Variants in GRM6 observed in about 807,000 individuals in gnomAD.
GRM6 encodes metabotropic glutamate receptor 6.
GRM6 carries 73 observed loss-of-function variants against 78.4 expected under a neutral mutation model. That is an observed-to-expected ratio of 0.93 (90% CI 0.77 to 1.13). The LOEUF is 1.13. Among genes scored for constraint, GRM6 ranks in the 50% most tolerant of loss-of-function variants. GRM6 has a pLI of 0.00. For synonymous variants in GRM6, 580 were observed against 555.0 expected (o/e 1.05, Z -0.63); for missense variants, 1,251 against 1,256.4 (o/e 1.00, Z 0.07).
chr5:178,985,509 C>T (rs918393233), intron 9 of GRM6: 24 of 336,828 alleles, frequency 7.1e-5, no homozygotes, highest in African/African-American at 2.4e-4. Flanking sequence ...CGAGACCATC[C>T]TGGCTAACAC....
At position 178,989,275 on chromosome 5, in the gene GRM6, G is replaced by T. The variant is rs967509747; in HGVS notation, c.1143C>A (p.Arg381=). The stretch of plus-strand genomic sequence containing the variant: ...CTGGGCAGCTCTCACCTGTGCATTT[G>T]CGGGTGGAATCGTCTGACTGGGTAC... ...SSGTQSDDST[R]KCTGEERIGR... Residue 381 remains arginine (R), a synonymous_variant, in exon 6 of 11, where the codon CGC becomes CGA. Transcript: ENST00000517717. 2 of 1,582,866 alleles carry T rather than the reference G, an allele frequency of 1.3e-6. No individual in the cohort carries two copies. The highest frequency in any genetic ancestry group is 1.7e-6 in the Non-Finnish European group (2 of 1,171,836).
chr5:178,982,114 C>T lies in GRM6; in HGVS notation c.2437-260G>A, dbSNP rs1229457689. On this transcript the variant is annotated intron_variant, in intron 10 of 10. Coordinates refer to ENST00000517717, the MANE Select transcript of GRM6 (RefSeq NM_000843.4). ...ACACCTGGGGAAGCGGGAGCCGGGG[C>T]ATGTCAGTGAATGAGCACGTTTCAA... 2.0e-5 allele frequency among the ~76,000 whole-genome samples: 3 copies of T among 152,108 alleles called. No individual in the cohort carries two copies. In the East Asian group the frequency reaches 5.8e-4, roughly 29 times the overall value.
chr5:178,989,195 C>A, intron 6 of GRM6, 60 bp from the exon 7 acceptor site: 1 of 1,555,804 alleles, frequency 6.4e-7, no homozygotes, highest in Non-Finnish European at 8.7e-7. Context: ...CCCGGCCTCC[C>A]GCCTTCCCCC....
Position 178,992,437 on chromosome 5 carries a change from T to C in GRM6, c.505-354A>G, listed in dbSNP as rs748235903. 2 of 412,538 alleles carry C rather than the reference T, an allele frequency of 4.8e-6. No individual in the cohort carries two copies. The highest frequency in any genetic ancestry group is 3.5e-4 in the Middle Eastern group (1 of 2,892). The allele number at this position is 412,538 out of a possible 1,614,324, so 25.6% of individuals were successfully genotyped here. A position where few individuals can be genotyped will look rare whatever the true frequency, so the allele number is the denominator to read the frequency against. ...TGCAGCCCATCCAGCTGCATCTGCCTGTCCTAGTCAGGCCCAGGGCAAAGC... is the reference window on the plus strand; with the variant it reads ...TGCAGCCCATCCAGCTGCATCTGCCCGTCCTAGTCAGGCCCAGGGCAAAGC... On this transcript the variant is annotated intron_variant, in intron 2 of 10. Transcript: ENST00000517717. The surrounding 1 kb of genome is among the most constrained non-coding windows in gnomAD (Gnocchi z 4.9).
intron 7 of GRM6, chr5:178,987,190 G>A (rs1292203861): frequency 1.4e-6 from 1 of 697,700 alleles, no homozygotes; most frequent in Non-Finnish European, 2.6e-6. Flanking sequence ...AGTGTTGTGA[G>A]CGTGTGGAGA....
intron 9 of GRM6, chr5:178,985,636 G>C (rs933034514): frequency 2.7e-6 from 1 of 375,222 alleles, no homozygotes; most frequent in Non-Finnish European, 5.2e-6. Flanking sequence ...CCGGAAGGCA[G>C]AGCTTGCAGG....
Position 178,990,954 on chromosome 5 carries a change from C to T in GRM6, c.858-208G>A, listed in dbSNP as rs566747776. Among the ~76,000 whole-genome samples, 226 of 152,314 alleles carry T rather than the reference C, an allele frequency of 1.5e-3. 1 individual carries two copies. Among genetic ancestry groups the T allele is most frequent in the African/African-American group, 5.1e-3 (210 of 41,566 alleles). On this transcript the variant is annotated intron_variant, in intron 4 of 10. Transcript: ENST00000517717. ...TGCCCACTTGCTCTGCCCACTGTAA[C>T]CCACTGTTCAGGGGGTTCAGAGGGA...
At position 178,982,212 on chromosome 5, in the gene GRM6, A is replaced by T. The variant is rs188372378; in HGVS notation, c.2437-358T>A. On this transcript the variant is annotated intron_variant, in intron 10 of 10. Transcript: ENST00000517717. ...GGGCAAATAAATGGATGACAGGTGCATAAAATATTCTGCCGCATACGTGAA... is the reference window on the plus strand; with the variant it reads ...GGGCAAATAAATGGATGACAGGTGCTTAAAATATTCTGCCGCATACGTGAA... 1.0e-3 allele frequency among the ~76,000 whole-genome samples: 159 copies of T among 152,378 alleles called. 2 individuals carry two copies. The highest frequency in any genetic ancestry group is 1.8e-3 in the Non-Finnish European group (121 of 68,036).
intron 9 of GRM6, chr5:178,985,547 C>T: frequency 5.9e-6 from 2 of 336,910 alleles, no homozygotes; most frequent in African/African-American, 2.2e-5. Context: ...ACTAAAAATA[C>T]AAAAAATTAG....
At position 178,986,312 on chromosome 5, in the gene GRM6, C is replaced by T. The variant is rs367739086; in HGVS notation, c.1942G>A (p.Ala648Thr). Reference protein sequence around the residue: ...TFLMVAEPGAAVCAARRLFLG... With the variant: ...TFLMVAEPGATVCAARRLFLG... ...AAGAGCCTGCGGGCGGCACAGACCG[C>T]GGCCCCAGGCTCAGCCACCATGAGG... The change falls in exon 9 of 11, where the codon GCG becomes ACG. Residue 648 changes from alanine (A) to threonine (T), a missense_variant. Transcript: ENST00000517717. 2.5e-5 allele frequency: 41 copies of T among 1,613,864 alleles called. No individual in the cohort carries two copies. Among genetic ancestry groups the T allele is most frequent in the South Asian group, 1.8e-4 (16 of 91,068 alleles).
In GRM6 at chr5:178,994,851, AGCCCGCCGCGCGCGCCAG is replaced by A. The variant is rs1308648283; in HGVS notation, c.76_93del (p.Leu26_Gly31del). 1.4e-5 allele frequency: 17 copies of A among 1,214,570 alleles called. No homozygotes were observed. Among genetic ancestry groups the A allele is most frequent in the Admixed American group, 8.2e-5 (2 of 24,426 alleles). The allele number at this position is 1,214,570 out of a possible 1,614,324, so 75.2% of individuals were successfully genotyped here. A position where few individuals can be genotyped will look rare whatever the true frequency, so the allele number is the denominator to read the frequency against. ...GTCAGGCCGCCCGCCAGGCGCACAGAGCCCGCCGCGCGCGCCAGGCCCGCCTGCGCCAGCCACGCCAGC... is the reference window on the plus strand; with the variant it reads ...GTCAGGCCGCCCGCCAGGCGCACAGAGCCCGCCTGCGCCAGCCACGCCAGC... On this transcript the variant is annotated inframe_deletion, in exon 2 of 11. Transcript: ENST00000517717.
chr5:178,982,968 C>T lies in GRM6; in HGVS notation c.2378G>A (p.Cys793Tyr). The T allele has an allele frequency of 6.2e-7, 1 of 1,614,184 alleles. No individual in the cohort carries two copies. Among genetic ancestry groups the T allele is most frequent in the Non-Finnish European group, 8.5e-7 (1 of 1,180,010 alleles). Residue 793 changes from cysteine (C) to tyrosine (Y), a missense_variant, in exon 10 of 11, where the codon TGC (cysteine) becomes TAC (tyrosine). Coordinates refer to ENST00000517717, the MANE Select transcript of GRM6 (RefSeq NM_000843.4). Reference sequence around the variant, plus strand: ...GGGCACGAATGCCAGCCAGATGATGCAGGTGGTGTACATGGTGAAGCCGAT... The same window carrying T: ...GGGCACGAATGCCAGCCAGATGATGTAGGTGGTGTACATGGTGAAGCCGAT... ...KPIGFTMYTTCIIWLAFVPIF... is the reference protein window; with the variant it reads ...KPIGFTMYTTYIIWLAFVPIF...
In GRM6 at chr5:178,992,847, C is replaced by T. The variant is rs1329082399; in HGVS notation, c.505-764G>A. Among the ~76,000 whole-genome samples, 2 of 151,196 alleles carry T rather than the reference C, an allele frequency of 1.3e-5. No homozygotes were observed. The highest frequency in any genetic ancestry group is 4.9e-5 in the African/African-American group (2 of 41,060). On this transcript the variant is annotated intron_variant, in intron 2 of 10. Transcript: ENST00000517717. This position sits in a 1 kb window ranked among gnomAD's most constrained non-coding sequence, Gnocchi z 4.9. ...GTATAGAGACAGCATGAAAAGGAAG[C>T]CGGGAGTGGCAGGGAGAGAGAAAGA...
chr5:178,994,220 G>T (rs1297276488), intron 2 of GRM6, among the ~76,000 whole-genome samples: 1 of 152,242 alleles, frequency 6.6e-6, no homozygotes, highest in Non-Finnish European at 1.5e-5. Context: ...GGGAAGGGGC[G>T]CCCTCGCGGG....
In GRM6 at chr5:178,978,898, T is replaced by A. The variant is rs1760336177; in HGVS notation, c.*2759A>T. On this transcript the variant is annotated 3_prime_UTR_variant, in exon 11 of 11. Transcript: ENST00000517717. The stretch of plus-strand genomic sequence containing the variant: ...TTGGACCTCAAAGAATTCAAACCCA[T>A]GCATGCAAAAAAACAGGAAAATCTT... 6.6e-6 allele frequency: 1 copy of A among 152,030 alleles called. No individual in the cohort carries two copies. The highest frequency in any genetic ancestry group is 1.5e-5 in the Non-Finnish European group (1 of 68,006). The allele number at this position is 152,030 out of a possible 1,614,324, so 9.4% of individuals were successfully genotyped here. A position where few individuals can be genotyped will look rare whatever the true frequency, so the allele number is the denominator to read the frequency against.
Position 178,992,726 on chromosome 5 carries a change from G to A in GRM6, c.505-643C>T, listed in dbSNP as rs1384781105. 6.6e-6 allele frequency among the ~76,000 whole-genome samples: 1 copy of A among 152,104 alleles called. No individual in the cohort carries two copies. Among genetic ancestry groups the A allele is most frequent in the Non-Finnish European group, 1.5e-5 (1 of 68,012 alleles). ...GGGGCTATGGGGCTCCAGCGCAAGA[G>A]GGGCTATAGCAGGAGCTGGTGTGAA... On this transcript the variant is annotated intron_variant, in intron 2 of 10. Coordinates refer to ENST00000517717, the MANE Select transcript of GRM6 (RefSeq NM_000843.4). The surrounding 1 kb of genome is among the most constrained non-coding windows in gnomAD (Gnocchi z 4.9).
chr5:178,991,728 TC>T lies in GRM6; in HGVS notation c.721+138del. 8.9e-7 allele frequency: 1 copy of T among 1,117,948 alleles called. No individual in the cohort carries two copies. Among genetic ancestry groups the T allele is most frequent in the South Asian group, 1.3e-5 (1 of 78,672 alleles). The allele number at this position is 1,117,948 out of a possible 1,614,324, so 69.3% of individuals were successfully genotyped here. A position where few individuals can be genotyped will look rare whatever the true frequency, so the allele number is the denominator to read the frequency against. On this transcript the variant is annotated intron_variant, in intron 3 of 10. Transcript: ENST00000517717. The surrounding 1 kb of genome is among the most constrained non-coding windows in gnomAD (Gnocchi z 5.0). ...GGCTGAGTCGTCCAAAACAAAGAGG[TC>T]CCGCCCACATGGAGCACCAGCCAGG...
intron 9 of GRM6, chr5:178,985,676 C>G (rs189633506): frequency 5.1e-6 from 2 of 394,730 alleles, no homozygotes; most frequent in East Asian, 1.5e-4. Context: ...GCACTCCAGC[C>G]TGGGCGACAC....
Position 178,981,384 on chromosome 5 carries a change from T to C in GRM6, c.*273A>G. ...ACTTCGGATGAGAGAATAAGTTTAG[T>C]CCCTTTCTAGAGCTAGAACCTTCTC... On this transcript the variant is annotated 3_prime_UTR_variant, in exon 11 of 11. Coordinates refer to ENST00000517717, the MANE Select transcript of GRM6 (RefSeq NM_000843.4). This position sits in a 1 kb window ranked among gnomAD's most constrained non-coding sequence, Gnocchi z 5.1. 1 of 476,756 alleles carries C rather than the reference T, an allele frequency of 2.1e-6. No homozygotes were observed. Among genetic ancestry groups the C allele is most frequent in the South Asian group, 2.5e-5 (1 of 40,506 alleles). 29.5% of individuals were successfully genotyped at this position (476,756 alleles called of 1,614,324 possible).
Sources: gnomAD v4.1 joint callset for allele counts (sites outside exome capture counted in the v4.1 genomes callset) on GRCh38, gnomAD v4.1.1 for gene constraint, Gnocchi (gnomAD v3.1) non-coding constraint, MANE v1.5 for transcripts, NCBI Gene and HGNC (gene_info 2026-07-23, HGNC 2026-07-21) for gene names.